The following DAPK1 variants were observed in gnomAD, a reference collection of about 807,000 sequenced individuals.
DAPK1 encodes the protein death associated protein kinase 1.
In DAPK1, 56 loss-of-function variants were observed where a neutral mutation model predicts 144.9. That is an observed-to-expected ratio of 0.39 (90% CI 0.31 to 0.48). The LOEUF (loss-of-function observed/expected upper bound fraction) is 0.48, where lower values mean the gene tolerates loss of function less well. DAPK1 is among the 20% of genes least tolerant of loss of function. The probability of loss-of-function intolerance (pLI) is 0.95; values close to 1 mark genes in which losing one functional copy is unlikely to be tolerated. For synonymous variants in DAPK1, 690 were observed against 749.0 expected, an observed-to-expected ratio of 0.92 and a Z score of 1.29; for missense variants, 1,454 against 1,875.4, an observed-to-expected ratio of 0.78 and a Z score of 4.15.
At chr9:87,659,024 G>A (rs1350983165) in intron 18 of DAPK1, among the ~76,000 whole-genome samples, 3 of 152,220 alleles carry the variant, frequency 2.0e-5, no homozygotes, top group Admixed American at 2.0e-4. Context: ...GTTTGTATTG[G>A]CCCTGGCGGC....
At chr9:87,649,511 C>T (rs1018414785) in intron 15 of DAPK1, among the ~76,000 whole-genome samples, 1 of 152,164 alleles carries the variant, frequency 6.6e-6, no homozygotes, top group African/African-American at 2.4e-5. Context: ...AAGTGGTTAC[C>T]TACTGTTAGT....
chr9:87,705,775 A>C (rs559105549), intron 25 of DAPK1, among the ~76,000 whole-genome samples: 129 of 152,220 alleles, frequency 8.5e-4, no homozygotes, highest in Admixed American at 1.7e-3. Flanking sequence ...GGTCCCAATA[A>C]TTTCTTTTAA....
At chr9:87,565,613 C>T (rs1827093690) in intron 2 of DAPK1, among the ~76,000 whole-genome samples, 1 of 152,170 alleles carries the variant, frequency 6.6e-6, no homozygotes, top group Non-Finnish European at 1.5e-5. Flanking sequence ...GTTCTTTCTG[C>T]CTAGAAGAGA....
intron 20 of DAPK1, among the ~76,000 whole-genome samples, chr9:87,682,940 T>G (rs577948809): frequency 6.6e-6 from 1 of 152,126 alleles, no homozygotes; most frequent in East Asian, 1.9e-4. Flanking sequence ...TCCAGTGTGA[T>G]TTTTTTGTTT....
intron 17 of DAPK1, among the ~76,000 whole-genome samples, chr9:87,653,695 T>C (rs941555706): frequency 9.9e-5 from 12 of 121,022 alleles, no homozygotes; most frequent in Admixed American, 6.0e-4. Flanking sequence ...TTATTATCAT[T>C]ATTATTATTT....
intron 19 of DAPK1, among the ~76,000 whole-genome samples, chr9:87,671,168 C>A (rs1437769668): frequency 6.6e-6 from 1 of 152,152 alleles, no homozygotes; most frequent in African/African-American, 2.4e-5. Flanking sequence ...ATGCAAAGCA[C>A]CTTGCTGCGG....
intron 25 of DAPK1, among the ~76,000 whole-genome samples, chr9:87,705,685 T>C (rs1651256520): frequency 6.6e-6 from 1 of 152,214 alleles, no homozygotes; most frequent in Non-Finnish European, 1.5e-5. Flanking sequence ...CATAACCCAA[T>C]ATAATTGATG....
chr9:87,530,467 A>C (rs1218138710), intron 2 of DAPK1, among the ~76,000 whole-genome samples: 2 of 152,210 alleles, frequency 1.3e-5, no homozygotes, highest in Non-Finnish European at 2.9e-5. Flanking sequence ...CCAAGGGTCA[A>C]ATCTTATGTC....
intron 21 of DAPK1, among the ~76,000 whole-genome samples, chr9:87,695,129 T>C (rs887200145): frequency 3.3e-5 from 5 of 152,138 alleles, no homozygotes; most frequent in Non-Finnish European, 7.4e-5. Flanking sequence ...CAGGCCCTGC[T>C]CCCATCTGAT....
At chr9:87,580,463 C>T (rs1303315486) in intron 2 of DAPK1, among the ~76,000 whole-genome samples, 1 of 152,136 alleles carries the variant, frequency 6.6e-6, no homozygotes, top group Non-Finnish European at 1.5e-5. Context: ...ATTTTGTTCT[C>T]ATAAATATAT....
In DAPK1 at chr9:87,706,681, G is replaced by A. The variant is rs1472610463; in HGVS notation, c.3610G>A (p.Glu1204Lys). 6.2e-7 allele frequency: 1 copy of A among 1,612,274 alleles called. No homozygotes were observed. The highest frequency in any genetic ancestry group is 2.2e-5 in the East Asian group (1 of 44,862). Reference protein sequence around the residue: ...IEVQVRGLETEKIKCCLLLDS... With the variant: ...IEVQVRGLETKKIKCCLLLDS... ...GGTCCAGGTCCGCGGCCTGGAGACG[G>A]AGAAGATCAAGTGCTGCCTGCTGCT... is the stretch of plus-strand genomic sequence containing the variant. The change falls in exon 26 of 26, where the codon GAG becomes AAG. Residue 1204 changes from glutamate to lysine, a missense_variant. Transcript: ENST00000408954. The surrounding 1 kb of genome is among the most constrained non-coding windows in gnomAD (Gnocchi z 9.0).
At chr9:87,506,425 G>T (rs1824596634) in intron 2 of DAPK1, among the ~76,000 whole-genome samples, 1 of 152,214 alleles carries the variant, frequency 6.6e-6, no homozygotes, top group African/African-American at 2.4e-5. Context: ...TTGCAGTTTG[G>T]AATGATGTCA....
At chr9:87,609,525 A>G (rs150573585) in intron 3 of DAPK1, among the ~76,000 whole-genome samples, 21 of 152,238 alleles carry the variant, frequency 1.4e-4, no homozygotes, top group African/African-American at 5.1e-4. Flanking sequence ...TTTGGAGGTT[A>G]TGTTTTATAA....
intron 3 of DAPK1, among the ~76,000 whole-genome samples, chr9:87,609,352 T>C (rs2111554): frequency 0.39 from 60,027 of 152,032 alleles, 12,821 homozygotes; most frequent in East Asian, 0.63. Flanking sequence ...ATGCACGGTA[T>C]GATGCGTGTT....
chr9:87,676,108 C>T (rs757461008), intron 19 of DAPK1, among the ~76,000 whole-genome samples: 16 of 152,164 alleles, frequency 1.1e-4, no homozygotes, highest in South Asian at 2.1e-4. Context: ...CCAAAAATGT[C>T]GGTGGCACCA....
At chr9:87,579,654 A>G (rs1294323793) in intron 2 of DAPK1, among the ~76,000 whole-genome samples, 2 of 152,168 alleles carry the variant, frequency 1.3e-5, no homozygotes, top group African/African-American at 4.8e-5. Flanking sequence ...GAAATCTTCT[A>G]CTCTGGCCAC....
intron 2 of DAPK1, among the ~76,000 whole-genome samples, chr9:87,504,677 G>A (rs1017809103): frequency 2.0e-5 from 3 of 152,160 alleles, no homozygotes; most frequent in African/African-American, 7.2e-5. Flanking sequence ...TCATCCCTCG[G>A]TATCCATGGC....
intron 2 of DAPK1, among the ~76,000 whole-genome samples, chr9:87,507,217 G>A (rs1824635353): frequency 6.6e-6 from 1 of 152,088 alleles, no homozygotes; most frequent in African/African-American, 2.4e-5. Context: ...AGTGATCATG[G>A]GGCCTTTTTT....
At chr9:87,546,753 C>T (rs1826265887) in intron 2 of DAPK1, among the ~76,000 whole-genome samples, 1 of 152,186 alleles carries the variant, frequency 6.6e-6, no homozygotes, top group Non-Finnish European at 1.5e-5. Flanking sequence ...CCCTCCTTTC[C>T]ATCTCATCTC....
Sources: gnomAD v4.1 joint callset for allele counts (sites outside exome capture counted in the v4.1 genomes callset) on GRCh38, gnomAD v4.1.1 for gene constraint, Gnocchi (gnomAD v3.1) non-coding constraint, MANE v1.5 for transcripts, NCBI Gene and HGNC (gene_info 2026-07-23, HGNC 2026-07-21) for gene names.